The following MAP1S variants were observed in gnomAD, a reference collection of about 807,000 sequenced individuals.
The protein encoded by MAP1S is microtubule associated protein 1S.
A neutral mutation model predicts 60.9 loss-of-function variants in MAP1S; 27 were observed. The ratio of observed to expected loss-of-function variants is 0.44; its 90% CI spans 0.33 to 0.61. The LOEUF (loss-of-function observed/expected upper bound fraction) is 0.61. MAP1S is among the 20% of genes least tolerant of loss of function. The pLI is 0.03. For missense variants in MAP1S, 1,608 were observed against 1,486.6 expected (o/e 1.08, Z -1.34); for synonymous variants, 826 against 694.2 (o/e 1.19, Z -2.98).
intron 6 of MAP1S, among the ~76,000 whole-genome samples, chr19:17,733,756 C>G (rs1175080356): frequency 6.6e-6 from 1 of 152,192 alleles, no homozygotes; most frequent in Non-Finnish European, 1.5e-5. Flanking sequence ...TGGGTGGTAT[C>G]TGTGCGGCTG....
rs1180045812 is a variant in MAP1S at position 17,726,857 on chromosome 19, C to T, written c.1473C>T (p.His491=). ...SSKREGLLAT[H]PRPGQERPGV... is the part of the protein sequence containing the mutation. ...AGAGAGAGGGCCTCCTGGCCACCCA[C>T]CCTAGACCTGGCCAGGAGCGCCCTG... is the stretch of plus-strand genomic sequence containing the variant. Residue 491 remains histidine, a synonymous_variant, in exon 5 of 7, where the codon CAC becomes CAT. Coordinates refer to ENST00000324096, the MANE Select transcript of MAP1S (RefSeq NM_018174.6). 7 of 1,555,116 alleles carry T rather than the reference C, an allele frequency of 4.5e-6. No homozygotes were observed. In the East Asian group the frequency reaches 7.2e-5, roughly 16 times the overall value.
intron 5 of MAP1S, among the ~76,000 whole-genome samples, chr19:17,731,867 A>T (rs1320849912): frequency 6.6e-6 from 1 of 152,148 alleles, no homozygotes; most frequent in Non-Finnish European, 1.5e-5. Flanking sequence ...GGGTTTCGCC[A>T]TGTTGGCTAG....
At chr19:17,721,893 C>G (rs1028845330) in intron 2 of MAP1S, among the ~76,000 whole-genome samples, 3 of 152,140 alleles carry the variant, frequency 2.0e-5, no homozygotes, top group Non-Finnish European at 4.4e-5. Flanking sequence ...GTGAGCAGAG[C>G]AGCAGGCGGG....
rs751411305 is a variant in MAP1S at position 17,727,690 on chromosome 19, G to A, written c.2306G>A (p.Arg769Gln). The A allele has an allele frequency of 7.5e-6, 12 of 1,609,154 alleles. 1 individual carries two copies. In the East Asian group the frequency reaches 8.9e-5, roughly 12 times the overall value. Residue 769 changes from arginine (R) to glutamine (Q), a missense_variant, in exon 5 of 7, where the codon CGG becomes CAG. This residue lies in a region of MAP1S where 1,167 missense variants were observed against 961.4 expected (regional missense o/e 1.21). Coordinates refer to ENST00000324096, the MANE Select transcript of MAP1S (RefSeq NM_018174.6). The surrounding 1 kb of genome is among the most constrained non-coding windows in gnomAD (Gnocchi z 4.1). ...GGCAGCTCGAATGACAGCAGTGCCC[G>A]GTCACAGGAACGGGCAGGTGGGCTG... ...SPGSSNDSSA[R>Q]SQERAGGLGA...
chr19:17,727,797 G>A lies in MAP1S; in HGVS notation c.2413G>A (p.Gly805Ser), dbSNP rs766165222. Residue 805 changes from glycine (G) to serine (S), a missense_variant, in exon 5 of 7, where the codon GGT becomes AGT. Transcript: ENST00000324096. This position sits in a 1 kb window ranked among gnomAD's most constrained non-coding sequence, Gnocchi z 4.1. ...SDSDPVPLAP[G>S]AADSDEDTEG... ...CTCGGATCCCGTGCCCCTGGCCCCC[G>A]GTGCGGCAGACTCAGACGAAGACAC... 14 of 1,611,806 alleles carry A rather than the reference G, an allele frequency of 8.7e-6. No individual in the cohort carries two copies. The highest frequency in any genetic ancestry group is 3.3e-5 in the Admixed American group (2 of 59,852).
At chr19:17,729,622 C>T (rs114300036) in intron 5 of MAP1S, among the ~76,000 whole-genome samples, 3,031 of 152,164 alleles carry the variant, frequency 0.02, 95 homozygotes, top group African/African-American at 0.067. Context: ...CCTCCCACCT[C>T]AACCTCCCGA....
At position 17,725,474 on chromosome 19, in the gene MAP1S, A is replaced by G. The variant is rs1434735694; in HGVS notation, c.444+285A>G. ...GGTGCCCGCAGTCTGGGTAGGACAC[A>G]TGGGCAAAATGGCAAACCTCACTTT... On this transcript the variant is annotated intron_variant, in intron 4 of 6. Transcript: ENST00000324096. The surrounding 1 kb of genome is among the most constrained non-coding windows in gnomAD (Gnocchi z 4.2). Among the ~76,000 whole-genome samples, 1 of 152,224 alleles carries G rather than the reference A, an allele frequency of 6.6e-6. No individual in the cohort carries two copies.
chr19:17,720,201 AGT>A, intron 1 of MAP1S: 2 of 1,362,394 alleles, frequency 1.5e-6, no homozygotes, highest in Non-Finnish European at 1.9e-6. Flanking sequence ...CACTTGGCTC[AGT>A]GGGACTGGCG....
At position 17,724,029 on chromosome 19, in the gene MAP1S, A is replaced by G. The variant is rs938771914; in HGVS notation, c.221-97A>G. 6.8e-6 allele frequency: 6 copies of G among 879,036 alleles called. No homozygotes were observed. In the African/African-American group the frequency reaches 9.9e-5, roughly 15 times the overall value. 54.5% of individuals were successfully genotyped at this position (879,036 alleles called of 1,614,324 possible). On this transcript the variant is annotated intron_variant, in intron 2 of 6. Transcript: ENST00000324096. ...CTCTGCCGTGCGCCTGTTAATCTCC[A>G]TATGATCCCTGGGTGGGTTCCCAGA...
chr19:17,727,947 C>T lies in MAP1S; in HGVS notation c.2563C>T (p.Gln855Ter). 1 of 1,608,040 alleles carries T rather than the reference C, an allele frequency of 6.2e-7. No homozygotes were observed. The highest frequency in any genetic ancestry group is 8.5e-7 in the Non-Finnish European group (1 of 1,176,688). ...GATGCTGCCCCCCAAGACAGCACGG[C>T]AAACGGAGAACGTCAGCCGCACCCG... The part of the protein sequence containing the change: ...PEMLPPKTAR[Q>*]TENVSRTRKP... The change falls in exon 5 of 7, where the codon CAA becomes TAA. Residue 855 changes from glutamine to a stop codon, truncating the protein, a stop_gained. Coordinates refer to ENST00000324096, the MANE Select transcript of MAP1S (RefSeq NM_018174.6). LOFTEE classifies it high-confidence loss of function. The surrounding 1 kb of genome is among the most constrained non-coding windows in gnomAD (Gnocchi z 4.1).
chr19:17,728,237 T>A, intron 5 of MAP1S, 65 bp downstream of exon 5: 1 of 1,466,240 alleles, frequency 6.8e-7, no homozygotes, highest in Non-Finnish European at 9.1e-7. Flanking sequence ...GCATAGCTCG[T>A]CCCCCTGTTT....
chr19:17,721,218 G>C (rs527479218), intron 2 of MAP1S, 181 bp downstream of exon 2: 1 of 626,356 alleles, frequency 1.6e-6, no homozygotes, highest in East Asian at 2.9e-5. Flanking sequence ...AACCCACAGT[G>C]CAGGAACTGG....
chr19:17,724,077 C>T (rs1174735667), intron 2 of MAP1S, 49 bp from the exon 3 acceptor site: 3 of 1,475,932 alleles, frequency 2.0e-6, no homozygotes, highest in Middle Eastern at 3.5e-4. Flanking sequence ...CCCTGAGGGT[C>T]ACACGGGGAG....
At chr19:17,721,973 G>C (rs2080374690) in intron 2 of MAP1S, among the ~76,000 whole-genome samples, 1 of 152,180 alleles carries the variant, frequency 6.6e-6, no homozygotes. Flanking sequence ...CCTCCCGGCT[G>C]CTGCTGGAGA....
At position 17,734,257 on chromosome 19, in the gene MAP1S, C is replaced by A. The variant is rs201877486; in HGVS notation, c.3025-16C>A. The A allele has an allele frequency of 1.9e-6, 3 of 1,605,766 alleles. No individual in the cohort carries two copies. The highest frequency in any genetic ancestry group is 2.6e-6 in the Non-Finnish European group (3 of 1,174,082). On this transcript the variant is annotated splice_polypyrimidine_tract_variant and intron_variant, in intron 6 of 6. Transcript: ENST00000324096. ...TGGTGGTCCACTCTCCCCACACACC[C>A]CCCCTCCACCTGCAGGTGACCCTGA...
Position 17,727,799 on chromosome 19 carries a change from T to C in MAP1S, c.2415T>C (p.Gly805=). The C allele has an allele frequency of 6.2e-7, 1 of 1,611,742 alleles. No individual in the cohort carries two copies. The highest frequency in any genetic ancestry group is 8.5e-7 in the Non-Finnish European group (1 of 1,179,284). ...SDSDPVPLAP[G]AADSDEDTEG... is the part of the protein sequence containing the mutation. The stretch of plus-strand genomic sequence containing the variant: ...CGGATCCCGTGCCCCTGGCCCCCGG[T>C]GCGGCAGACTCAGACGAAGACACAG... The change falls in exon 5 of 7, where the codon GGT becomes GGC. Residue 805 remains glycine (G), a synonymous_variant. Coordinates refer to ENST00000324096, the MANE Select transcript of MAP1S (RefSeq NM_018174.6). This position sits in a 1 kb window ranked among gnomAD's most constrained non-coding sequence, Gnocchi z 4.1.
chr19:17,721,776 C>A (rs2145971174), intron 2 of MAP1S, among the ~76,000 whole-genome samples: 1 of 152,312 alleles, frequency 6.6e-6, no homozygotes, highest in South Asian at 2.1e-4. Flanking sequence ...GGGACTGATA[C>A]TGGTTCACAG....
In MAP1S at chr19:17,727,164, C is replaced by G; in HGVS notation, c.1780C>G (p.Pro594Ala). The change falls in exon 5 of 7, where the codon CCC becomes GCC. Residue 594 changes from proline to alanine, a missense_variant. This residue lies in a region of MAP1S where 1,167 missense variants were observed against 961.4 expected (regional missense o/e 1.21). Transcript: ENST00000324096. This position sits in a 1 kb window ranked among gnomAD's most constrained non-coding sequence, Gnocchi z 4.1. ...CCTCCGATGTGGAGAAGCCAGCCCC[C>G]CCAGTGCAGCCTGCGGCTCTCCGGC... is the stretch of plus-strand genomic sequence containing the variant. ...PSLRCGEASPPSAACGSPASQ... is the reference protein window; with the variant it reads ...PSLRCGEASPASAACGSPASQ... 6.3e-7 allele frequency: 1 copy of G among 1,587,300 alleles called. No homozygotes were observed. The highest frequency in any genetic ancestry group is 8.5e-7 in the Non-Finnish European group (1 of 1,170,122).
chr19:17,729,824 A>C (rs1366138216), intron 5 of MAP1S, among the ~76,000 whole-genome samples: 5 of 152,034 alleles, frequency 3.3e-5, no homozygotes, highest in Non-Finnish European at 7.4e-5. Context: ...AACCATGCCC[A>C]GCTAATTTTT....
Sources: gnomAD v4.1 joint callset for allele counts (sites outside exome capture counted in the v4.1 genomes callset) on GRCh38, gnomAD v4.1.1 for gene constraint, gnomAD v4.1.1 regional missense constraint, Gnocchi (gnomAD v3.1) non-coding constraint, MANE v1.5 for transcripts, NCBI Gene and HGNC (gene_info 2026-07-23, HGNC 2026-07-21) for gene names.